The following PRKAR1B variants were observed in gnomAD, a reference collection of about 807,000 sequenced individuals.
PRKAR1B encodes the protein cAMP-dependent protein kinase type I-beta regulatory subunit.
In PRKAR1B, 22 loss-of-function variants were observed where a neutral mutation model predicts 46.5. The ratio of observed to expected loss-of-function variants is 0.47; its 90% CI spans 0.34 to 0.68. PRKAR1B has a LOEUF of 0.68. Among genes scored for constraint, PRKAR1B ranks in the 30% least tolerant of loss-of-function variants. The pLI is 0.01. For missense variants in PRKAR1B, 445 were observed against 535.6 expected (o/e 0.83, Z 1.67); for synonymous variants, 259 against 217.7 (o/e 1.19, Z -1.67).
intron 6 of PRKAR1B, among the ~76,000 whole-genome samples, chr7:601,156 C>A (rs563649878): frequency 6.6e-6 from 1 of 152,214 alleles, no homozygotes; most frequent in Non-Finnish European, 1.5e-5. Flanking sequence ...ACTTGGCCAG[C>A]GCAGTTAAAT....
chr7:647,721 G>A (rs966194810), intron 4 of PRKAR1B, among the ~76,000 whole-genome samples: 10 of 147,416 alleles, frequency 6.8e-5, no homozygotes, highest in African/African-American at 2.3e-4. Flanking sequence ...CAGGAGAATG[G>A]CATGAACCTG....
At chr7:691,874 C>T (rs1779447076) in intron 2 of PRKAR1B, 1 of 1,153,298 alleles carries the variant, frequency 8.7e-7, no homozygotes. Flanking sequence ...GGCCATCTCA[C>T]AATCTCTCAG....
chr7:553,203 C>T (rs1288235765), intron 9 of PRKAR1B, among the ~76,000 whole-genome samples: 2 of 152,226 alleles, frequency 1.3e-5, no homozygotes, highest in Non-Finnish European at 1.5e-5. Context: ...ACACTAGAGC[C>T]GCTGGGAAGA....
chr7:728,624 C>T (rs944366860), upstream of PRKAR1B, among the ~76,000 whole-genome samples: 7 of 152,230 alleles, frequency 4.6e-5, no homozygotes, highest in East Asian at 3.8e-4. Flanking sequence ...TCTTCATCCT[C>T]AACCACTTCC....
intron 9 of PRKAR1B, among the ~76,000 whole-genome samples, chr7:575,041 G>A (rs1240827721): frequency 6.6e-6 from 1 of 152,224 alleles, no homozygotes; most frequent in Non-Finnish European, 1.5e-5. Flanking sequence ...GCGAGAACTG[G>A]TGATAACTGA....
intron 9 of PRKAR1B, among the ~76,000 whole-genome samples, chr7:556,253 G>A (rs369185768): frequency 2.0e-5 from 3 of 151,386 alleles, no homozygotes; most frequent in African/African-American, 7.3e-5. Context: ...GCCAGGCACC[G>A]TTTTAGGCCA....
chr7:668,479 T>C (rs996196155), intron 4 of PRKAR1B, among the ~76,000 whole-genome samples: 1 of 152,128 alleles, frequency 6.6e-6, no homozygotes, highest in South Asian at 2.1e-4. Flanking sequence ...GGCTTCGATA[T>C]GGAAAGTGAG....
At chr7:576,975 C>T (rs567878503) in intron 9 of PRKAR1B, among the ~76,000 whole-genome samples, 27 of 152,086 alleles carry the variant, frequency 1.8e-4, no homozygotes, top group South Asian at 1.2e-3. Flanking sequence ...TCAGCGGCCT[C>T]GTCCAACGCC....
intron 2 of PRKAR1B, among the ~76,000 whole-genome samples, chr7:705,070 G>A (rs1316651940): frequency 1.3e-5 from 2 of 151,696 alleles, no homozygotes; most frequent in East Asian, 1.9e-4. Context: ...GGCGGGTGGA[G>A]CATCTGAGGT....
chr7:697,431 G>A (rs1006333651), intron 2 of PRKAR1B, among the ~76,000 whole-genome samples: 1 of 152,144 alleles, frequency 6.6e-6, no homozygotes, highest in East Asian at 1.9e-4. Context: ...TCTGAGAGGC[G>A]GCTGATCCAC....
At chr7:682,200 C>T (rs1778723846) in intron 2 of PRKAR1B, among the ~76,000 whole-genome samples, 1 of 152,148 alleles carries the variant, frequency 6.6e-6, no homozygotes, top group Non-Finnish European at 1.5e-5. Context: ...ACACTCCTTT[C>T]CTAGAGTGCT....
intron 3 of PRKAR1B, among the ~76,000 whole-genome samples, chr7:679,652 A>G (rs923133222): frequency 1.3e-5 from 2 of 152,232 alleles, no homozygotes; most frequent in African/African-American, 4.8e-5. Context: ...ATGATTCCAC[A>G]ACAATGAGAA....
At chr7:600,585 C>G (rs1781532193) in intron 6 of PRKAR1B, among the ~76,000 whole-genome samples, 1 of 152,240 alleles carries the variant, frequency 6.6e-6, no homozygotes, top group Non-Finnish European at 1.5e-5. Flanking sequence ...GCGCCCTGCT[C>G]CGGGGTACAC....
intron 4 of PRKAR1B, among the ~76,000 whole-genome samples, chr7:663,540 T>A (rs1382241389): frequency 2.0e-5 from 3 of 151,920 alleles, no homozygotes; most frequent in Non-Finnish European, 4.4e-5. Context: ...CCCGGCCCAT[T>A]CACTTTTAAA....
intron 5 of PRKAR1B, 58 bp from the exon 6 acceptor site, chr7:606,297 GT>G: frequency 6.4e-7 from 1 of 1,561,008 alleles, no homozygotes; most frequent in Non-Finnish European, 8.8e-7. Context: ...ACAAGTTACA[GT>G]TTCTCTTGCA....
chr7:692,028 G>A (rs180974547), intron 2 of PRKAR1B, among the ~76,000 whole-genome samples: 3 of 152,304 alleles, frequency 2.0e-5, no homozygotes, highest in Non-Finnish European at 2.9e-5. Context: ...CTCAGGTATC[G>A]GCTGTATGGG....
chr7:727,504 T>G, upstream of PRKAR1B: 3 of 220,348 alleles, frequency 1.4e-5, no homozygotes, highest in Non-Finnish European at 2.3e-5. Flanking sequence ...CCCGGCCCCC[T>G]CCTCCCACCA....
rs1188059340 is a variant in PRKAR1B, at chr7:588,607, T to C, written c.709-4039A>G. 3.8e-4 allele frequency among the ~76,000 whole-genome samples: 52 copies of C among 138,050 alleles called. 2 individuals are homozygous for C. Among genetic ancestry groups the C allele is most frequent in the African/African-American group, 1.2e-3 (43 of 34,844 alleles). The allele number at this position is 138,050 out of a possible 152,430, so 90.6% of individuals were successfully genotyped here. ...ACAGTGGTGATGACGGTGGTGATGG[T>C]GATGGTGGTGATGGTGATGGTGGTG... On this transcript the variant is annotated intron_variant, in intron 7 of 10. Transcript: ENST00000537384.
chr7:614,159 C>T (rs1198947724), intron 4 of PRKAR1B, among the ~76,000 whole-genome samples: 1 of 152,354 alleles, frequency 6.6e-6, no homozygotes, highest in East Asian at 1.9e-4. Flanking sequence ...GGCACTTCTT[C>T]GGACTCACAG....
Sources: gnomAD v4.1 joint callset for allele counts (sites outside exome capture counted in the v4.1 genomes callset) on GRCh38, gnomAD v4.1.1 for gene constraint, MANE v1.5 for transcripts, NCBI Gene and HGNC (gene_info 2026-07-23, HGNC 2026-07-21) for gene names.